HMGCLL1: variants seen among roughly 807,000 people sequenced by gnomAD.
HMGCLL1 encodes 3-hydroxy-3-methylglutaryl-CoA lyase like 1.
In HMGCLL1, 36 loss-of-function variants were observed where a neutral mutation model predicts 39.1. The ratio of observed to expected loss-of-function variants is 0.92; its 90% CI spans 0.71 to 1.22. HMGCLL1 has a LOEUF of 1.22. Ranked by LOEUF, HMGCLL1 falls within the 50% of genes most tolerant of loss-of-function variation. The probability of loss-of-function intolerance (pLI) is 0.00; values close to 1 mark genes in which losing one functional copy is unlikely to be tolerated. For synonymous variants in HMGCLL1, 149 were observed against 144.0 expected (o/e 1.03, Z -0.25); for missense variants, 451 against 416.5 (o/e 1.08, Z -0.72).
rs1462982010 is a variant in HMGCLL1, at chr6:55,495,522, C to A, written c.692G>T (p.Arg231Ile). Residue 231 changes from arginine (R) to isoleucine (I), a missense_variant, in exon 7 of 9, where the codon AGA becomes ATA. Physicochemically the swap from Arg to Ile is moderately conservative, Grantham distance 97. Transcript: ENST00000274901. Reference sequence around the variant, plus strand: ...TTCTTTCATCACACTTTCCAACATTCTTTTCATACTTCCTGGAGTTCCCAC... The same window carrying A: ...TTCTTTCATCACACTTTCCAACATTATTTTCATACTTCCTGGAGTTCCCAC... ...IGVGTPGSMK[R>I]MLESVMKEIP... 2 of 1,613,790 alleles carry A rather than the reference C, an allele frequency of 1.2e-6. No individual in the cohort carries two copies. The highest frequency in any genetic ancestry group is 1.3e-5 in the African/African-American group (1 of 74,926).
the HMGCLL1 span, among the ~76,000 whole-genome samples, chr6:55,660,887 T>A: frequency 6.6e-6 from 1 of 151,984 alleles, no homozygotes; most frequent in African/African-American, 2.4e-5. Flanking sequence ...GCATCTGTTA[T>A]TTTTTGACTC....
chr6:55,478,711 C>A (rs937447750), intron 7 of HMGCLL1, among the ~76,000 whole-genome samples: 5 of 151,202 alleles, frequency 3.3e-5, no homozygotes, highest in African/African-American at 1.2e-4. Flanking sequence ...ACACTCAAAT[C>A]TTTAGTGAAG....
chr6:55,439,642 G>T, intron 7 of HMGCLL1, 83 bp from the exon 8 acceptor site: 1 of 1,419,512 alleles, frequency 7.0e-7, no homozygotes, highest in Non-Finnish European at 9.7e-7. Flanking sequence ...ATGGTAAACT[G>T]CAAATAAGCA....
the HMGCLL1 span, among the ~76,000 whole-genome samples, chr6:55,631,618 C>T: frequency 6.6e-6 from 1 of 151,974 alleles, no homozygotes; most frequent in African/African-American, 2.4e-5. Context: ...AGAACTAGAG[C>T]GCACTGTTTC....
chr6:55,631,967 G>A, the HMGCLL1 span, among the ~76,000 whole-genome samples: 1 of 152,046 alleles, frequency 6.6e-6, no homozygotes, highest in East Asian at 1.9e-4. Flanking sequence ...CATTTTTCTG[G>A]AAAGTTTTTC....
chr6:55,486,099 GTA>G (rs975026855), intron 7 of HMGCLL1, among the ~76,000 whole-genome samples: 34 of 148,760 alleles, frequency 2.3e-4, no homozygotes, highest in African/African-American at 5.6e-4. Context: ...TACACAATAT[GTA>G]TGTGTGTGTG....
At chr6:55,671,964 G>A in the HMGCLL1 span, among the ~76,000 whole-genome samples, 1 of 151,698 alleles carries the variant, frequency 6.6e-6, no homozygotes, top group Non-Finnish European at 1.5e-5. Flanking sequence ...TGTGTTTTTA[G>A]TGGATATGTA....
chr6:55,674,550 A>C, the HMGCLL1 span, among the ~76,000 whole-genome samples: 2 of 152,200 alleles, frequency 1.3e-5, no homozygotes, highest in East Asian at 3.9e-4. Flanking sequence ...CCTTTCCTCC[A>C]TGTTATTATC....
rs189266607 is a variant in HMGCLL1, at chr6:55,573,962, C to G, written c.108+4986G>C. 4.8e-3 allele frequency among the ~76,000 whole-genome samples: 732 copies of G among 151,988 alleles called. 22 individuals are homozygous for G. The highest frequency in any genetic ancestry group is 0.042 in the Admixed American group (647 of 15,258). On this transcript the variant is annotated intron_variant, in intron 1 of 8. Transcript: ENST00000274901. The stretch of plus-strand genomic sequence containing the variant: ...GAAAGATAAATTATCATCAAAGGAC[C>G]AAAAATAAGACAAATCGCTGATTTT...
the HMGCLL1 span, among the ~76,000 whole-genome samples, chr6:55,637,769 T>C: frequency 1.3e-5 from 2 of 151,954 alleles, no homozygotes; most frequent in East Asian, 3.9e-4. Flanking sequence ...TGTGTGTGTG[T>C]TTCCCATCAG....
intron 5 of HMGCLL1, among the ~76,000 whole-genome samples, chr6:55,506,644 C>A (rs1767180403): frequency 6.6e-6 from 1 of 151,648 alleles, no homozygotes; most frequent in African/African-American, 2.4e-5. Flanking sequence ...TGTAGATGCA[C>A]CCATCCCATT....
At chr6:55,503,590 C>T (rs928862379) in intron 5 of HMGCLL1, among the ~76,000 whole-genome samples, 1 of 151,580 alleles carries the variant, frequency 6.6e-6, no homozygotes, top group Non-Finnish European at 1.5e-5. Context: ...CATAGTCCCT[C>T]TCGCTCACCA....
chr6:55,577,213 G>C (rs1311980483), intron 1 of HMGCLL1: 1 of 1,534,758 alleles, frequency 6.5e-7, no homozygotes, highest in African/African-American at 1.5e-5. Context: ...TGTTAGTGCT[G>C]CTGTGAGTTC....
At chr6:55,617,441 T>A in the HMGCLL1 span, among the ~76,000 whole-genome samples, 1 of 152,108 alleles carries the variant, frequency 6.6e-6, no homozygotes, top group Non-Finnish European at 1.5e-5. Context: ...GAAACCAACC[T>A]ATAGACCACT....
intron 5 of HMGCLL1, among the ~76,000 whole-genome samples, chr6:55,510,563 T>C (rs1767402631): frequency 2.8e-5 from 4 of 141,658 alleles, no homozygotes; most frequent in Admixed American, 1.5e-4. Context: ...ACACCGCATG[T>C]TCTCACTCAT....
At chr6:55,528,274 C>A (rs138282907) in intron 3 of HMGCLL1, among the ~76,000 whole-genome samples, 3,941 of 152,144 alleles carry the variant, frequency 0.026, 70 homozygotes, top group Middle Eastern at 0.092. Context: ...CATGCAATTT[C>A]TTCAACACAT....
chr6:55,553,176 C>T (rs1012644953), intron 1 of HMGCLL1, among the ~76,000 whole-genome samples: 2 of 75,786 alleles, frequency 2.6e-5, no homozygotes, highest in East Asian at 3.9e-4. Flanking sequence ...TATATATATA[C>T]ATACACACAC....
rs1040228236 is a variant in HMGCLL1, at chr6:55,453,201, C to T, written c.796-13642G>A. Among the ~76,000 whole-genome samples, 14 of 152,186 alleles carry T rather than the reference C, an allele frequency of 9.2e-5. 1 individual carries two copies. In the South Asian group the frequency reaches 2.9e-3, roughly 32 times the overall value. On this transcript the variant is annotated intron_variant, in intron 7 of 8. Coordinates refer to ENST00000274901, the MANE Select transcript of HMGCLL1 (RefSeq NM_001042406.2). ...TGTTGGTTTTGTTTTGTTTTTGAGA[C>T]GGAATCTCGCTCTGTCGCCCAGGCT... is the stretch of plus-strand genomic sequence containing the variant.
the HMGCLL1 span, among the ~76,000 whole-genome samples, chr6:55,608,631 G>C: frequency 1.3e-5 from 2 of 152,054 alleles, no homozygotes; most frequent in African/African-American, 4.8e-5. Flanking sequence ...TTCAATGTGT[G>C]TATGAAAATT....
Sources: allele counts gnomAD v4.1 joint callset (sites outside exome capture counted in the v4.1 genomes callset), GRCh38; gene constraint gnomAD v4.1.1; transcripts MANE v1.5; gene names NCBI Gene and HGNC (gene_info 2026-07-23, HGNC 2026-07-21).